CNTN5: variants seen among roughly 807,000 people sequenced by gnomAD.
The protein encoded by CNTN5 is contactin-5.
In CNTN5, 77 loss-of-function variants were observed where a neutral mutation model predicts 129.1. The ratio of observed to expected loss-of-function variants is 0.60; its 90% CI spans 0.50 to 0.72. CNTN5 has a LOEUF of 0.72. Among genes scored for constraint, CNTN5 ranks in the 30% least tolerant of loss-of-function variants. CNTN5 has a pLI of 0.00. For synonymous variants in CNTN5, 509 were observed against 465.6 expected, an observed-to-expected ratio of 1.09 and a Z score of -1.20; for missense variants, 1,478 against 1,328.8, an observed-to-expected ratio of 1.11 and a Z score of -1.75.
intron 9 of CNTN5, among the ~76,000 whole-genome samples, chr11:100,043,359 A>T (rs1371217770): frequency 6.6e-6 from 1 of 152,184 alleles, no homozygotes; most frequent in Non-Finnish European, 1.5e-5. Context: ...AGTCTTTCCA[A>T]ACAAGTTTAT....
chr11:99,424,444 C>G (rs1943031907), intron 2 of CNTN5, among the ~76,000 whole-genome samples: 1 of 152,232 alleles, frequency 6.6e-6, no homozygotes, highest in Non-Finnish European at 1.5e-5. Flanking sequence ...GAAGGGTGAG[C>G]CAGGTGTGGA....
chr11:99,768,982 T>C (rs1274552941), intron 3 of CNTN5, among the ~76,000 whole-genome samples: 1 of 152,096 alleles, frequency 6.6e-6, no homozygotes, highest in East Asian at 1.9e-4. Context: ...CATCATTCCT[T>C]CTATGTTTAT....
At chr11:99,960,528 C>A (rs979737461) in intron 8 of CNTN5, among the ~76,000 whole-genome samples, 4 of 152,008 alleles carry the variant, frequency 2.6e-5, no homozygotes, top group Admixed American at 2.0e-4. Flanking sequence ...TAAGCCACTT[C>A]CTAGACATGT....
chr11:99,309,859 T>C (rs925896155), intron 1 of CNTN5, among the ~76,000 whole-genome samples: 5 of 152,176 alleles, frequency 3.3e-5, no homozygotes, highest in Admixed American at 2.0e-4. Flanking sequence ...CTCAAAGTTA[T>C]TGTACTGCGT....
At chr11:100,309,649 TA>T (rs1951430490) in intron 21 of CNTN5, 1 of 984,016 alleles carries the variant, frequency 1.0e-6, no homozygotes, top group African/African-American at 1.7e-5. Context: ...CAGCAAATGA[TA>T]ATATATATAT....
At chr11:100,299,459 C>T in intron 20 of CNTN5, 63 bp downstream of exon 20, 1 of 935,614 alleles carries the variant, frequency 1.1e-6, no homozygotes, top group Non-Finnish European at 1.5e-6. Flanking sequence ...AATAATCAGA[C>T]ACCTTTGTAC....
intron 3 of CNTN5, among the ~76,000 whole-genome samples, chr11:99,622,906 C>G (rs1167345742): frequency 6.6e-6 from 1 of 151,810 alleles, no homozygotes; most frequent in Non-Finnish European, 1.5e-5. Flanking sequence ...CAAACATAAC[C>G]CTCCAACATT....
chr11:99,450,348 T>A (rs1944251652), intron 2 of CNTN5, among the ~76,000 whole-genome samples: 1 of 151,842 alleles, frequency 6.6e-6, no homozygotes, highest in East Asian at 1.9e-4. Context: ...TGTATATGTA[T>A]GTATATTGTA....
chr11:99,353,651 A>C (rs144481128), intron 2 of CNTN5, among the ~76,000 whole-genome samples: 217 of 152,318 alleles, frequency 1.4e-3, no homozygotes, highest in Middle Eastern at 3.4e-3. Context: ...ACACAGGCTT[A>C]CCATCTATAA....
intron 2 of CNTN5, among the ~76,000 whole-genome samples, chr11:99,376,655 G>T (rs910915520): frequency 2.0e-5 from 3 of 152,258 alleles, no homozygotes; most frequent in Middle Eastern, 3.4e-3. Context: ...GGCAGGAAGT[G>T]ATTTCCAGCA....
At chr11:100,256,027 G>T in intron 17 of CNTN5, 109 bp downstream of exon 17, 1 of 954,012 alleles carries the variant, frequency 1.0e-6, no homozygotes. Context: ...AAATCTCTTT[G>T]TTATTTCTTA....
chr11:99,553,366 T>C (rs1000695473), intron 2 of CNTN5, among the ~76,000 whole-genome samples: 2 of 152,088 alleles, frequency 1.3e-5, no homozygotes, highest in Admixed American at 6.6e-5. Flanking sequence ...TCATTGATTA[T>C]AACTTAACCT....
At chr11:99,834,061 G>T (rs989533997) in intron 4 of CNTN5, among the ~76,000 whole-genome samples, 1 of 152,120 alleles carries the variant, frequency 6.6e-6, no homozygotes, top group African/African-American at 2.4e-5. Flanking sequence ...AATCTGACTG[G>T]ATATTTCATT....
chr11:99,344,033 G>A (rs1866641252), intron 2 of CNTN5, among the ~76,000 whole-genome samples: 1 of 152,152 alleles, frequency 6.6e-6, no homozygotes, highest in Non-Finnish European at 1.5e-5. Flanking sequence ...GATAATACCT[G>A]ATAAATTTAA....
chr11:99,348,949 G>A (rs1387710210), intron 2 of CNTN5, among the ~76,000 whole-genome samples: 3 of 152,160 alleles, frequency 2.0e-5, no homozygotes, highest in African/African-American at 7.2e-5. Flanking sequence ...AGCAGGTTCA[G>A]TATAGCCAAA....
At chr11:99,667,421 G>C (rs560114953) in intron 3 of CNTN5, among the ~76,000 whole-genome samples, 1 of 151,994 alleles carries the variant, frequency 6.6e-6, no homozygotes, top group Non-Finnish European at 1.5e-5. Context: ...AATACAAATT[G>C]CTTCTTTATT....
At chr11:100,023,308 C>A (rs557814008) in intron 9 of CNTN5, among the ~76,000 whole-genome samples, 1 of 152,238 alleles carries the variant, frequency 6.6e-6, no homozygotes, top group South Asian at 2.1e-4. Context: ...TTTTATCAGA[C>A]AGTGAAATTT....
intron 9 of CNTN5, among the ~76,000 whole-genome samples, chr11:100,053,016 C>G (rs1463717406): frequency 1.3e-5 from 2 of 151,566 alleles, no homozygotes; most frequent in Non-Finnish European, 3.0e-5. Flanking sequence ...ATAAGTTGAT[C>G]CTTTAACCAT....
At chr11:99,822,172 G>A (rs1043522391) in intron 4 of CNTN5, among the ~76,000 whole-genome samples, 1 of 152,098 alleles carries the variant, frequency 6.6e-6, no homozygotes, top group South Asian at 2.1e-4. Flanking sequence ...GTTAAGCCAA[G>A]AAGTACCCCA....
Sources: allele counts gnomAD v4.1 joint callset (sites outside exome capture counted in the v4.1 genomes callset), GRCh38; gene constraint gnomAD v4.1.1; transcripts MANE v1.5; gene names NCBI Gene and HGNC (gene_info 2026-07-23, HGNC 2026-07-21).